ODAD2: variants seen among roughly 807,000 people sequenced by gnomAD.
ODAD2 encodes the protein outer dynein arm-docking complex subunit 2.
In ODAD2, 89 loss-of-function variants were observed where a neutral mutation model predicts 106.8. The observed-to-expected ratio is 0.83, with a 90% CI of 0.70 to 0.99. The LOEUF is 0.99. Ranked by LOEUF, ODAD2 falls within the 50% of genes least tolerant of loss-of-function variation. The probability of loss-of-function intolerance (pLI) is 0.00; values close to 1 mark genes in which losing one functional copy is unlikely to be tolerated. For synonymous variants in ODAD2, 404 were observed against 436.2 expected, an observed-to-expected ratio of 0.93 and a Z score of 0.92; for missense variants, 1,168 against 1,238.5, an observed-to-expected ratio of 0.94 and a Z score of 0.85.
intron 19 of ODAD2, among the ~76,000 whole-genome samples, chr10:27,848,541 A>G (rs1461128814): frequency 1.3e-5 from 2 of 152,236 alleles, no homozygotes; most frequent in Non-Finnish European, 2.9e-5. Context: ...ATGGTAACAA[A>G]AGCCAAAATT....
At chr10:27,876,945 C>T (rs138945385) in intron 17 of ODAD2, among the ~76,000 whole-genome samples, 2 of 152,204 alleles carry the variant, frequency 1.3e-5, no homozygotes, top group African/African-American at 4.8e-5. Flanking sequence ...AGATACTTCC[C>T]CCATTAATTC....
Position 27,901,648 on chromosome 10 carries a change from C to T in ODAD2, c.2610+6015G>A, listed in dbSNP as rs182346777. Among the ~76,000 whole-genome samples the T allele has an allele frequency of 2.6e-4, 40 of 152,060 alleles. No individual in the cohort carries two copies. The Middle Eastern group carries it at 0.014, about 52-fold the overall frequency. On this transcript the variant is annotated intron_variant, in intron 17 of 19. Transcript: ENST00000305242. ...CCAAGCAAATGGAAAGCAAAAAAAG[C>T]AGGGGTTGCAATCCTAGTCTCTGAT...
chr10:27,912,738 C>T (rs910812289), intron 16 of ODAD2, among the ~76,000 whole-genome samples: 3 of 152,244 alleles, frequency 2.0e-5, no homozygotes, highest in East Asian at 3.9e-4. Flanking sequence ...AAGAACATGA[C>T]GTTCTTAAAC....
rs202038219 is a variant in ODAD2 at position 27,971,007 on chromosome 10, T to C, written c.1142+101A>G. On this transcript the variant is annotated intron_variant, in intron 8 of 19. Transcript: ENST00000305242. ...ATAAATAAATAAATAAATAAATAAA[T>C]AAACAAACAAACAAAATAAAATAAA... The C allele has an allele frequency of 6.8e-3, 2,766 of 404,274 alleles. 45 individuals are homozygous for C. Among genetic ancestry groups the C allele is most frequent in the African/African-American group, 0.028 (964 of 35,000 alleles). The allele number at this position is 404,274 out of a possible 1,614,324, so 25.0% of individuals were successfully genotyped here.
At chr10:27,820,661 G>T (rs889809149) in intron 19 of ODAD2, among the ~76,000 whole-genome samples, 5 of 151,556 alleles carry the variant, frequency 3.3e-5, no homozygotes, top group African/African-American at 9.7e-5. Context: ...ATTACTCTTT[G>T]TTGGGGAATT....
intron 2 of ODAD2, among the ~76,000 whole-genome samples, chr10:27,993,548 G>A (rs1215151205): frequency 6.6e-6 from 1 of 152,090 alleles, no homozygotes; most frequent in Admixed American, 6.5e-5. Context: ...TACTTAGGAG[G>A]CTGAGGCAGG....
At chr10:27,846,717 C>T (rs1322105489) in intron 19 of ODAD2, among the ~76,000 whole-genome samples, 18 of 147,384 alleles carry the variant, frequency 1.2e-4, no homozygotes, top group East Asian at 3.9e-4. Flanking sequence ...ATCAAATAGA[C>T]GCAATAAAAA....
At chr10:27,905,405 T>G (rs2133839911) in intron 17 of ODAD2, among the ~76,000 whole-genome samples, 1 of 152,162 alleles carries the variant, frequency 6.6e-6, no homozygotes, top group South Asian at 2.1e-4. Flanking sequence ...TGCCCATGGA[T>G]AGGAAGAAAC....
chr10:27,885,529 A>ATATAT (rs1564465124), intron 17 of ODAD2, among the ~76,000 whole-genome samples: 1 of 16,032 alleles, frequency 6.2e-5, no homozygotes, highest in African/African-American at 2.4e-4. Context: ...AAAAAAAAAA[A>ATATAT]AAAAATATAT....
chr10:27,956,354 C>T (rs539742731), intron 10 of ODAD2, among the ~76,000 whole-genome samples: 2 of 152,256 alleles, frequency 1.3e-5, no homozygotes, highest in South Asian at 4.2e-4. Context: ...TGGCATCCCA[C>T]AGGGAGGAGG....
In ODAD2 at chr10:27,944,877, C is replaced by T. The variant is rs1846767984; in HGVS notation, c.1472G>A (p.Arg491Lys). The change falls in exon 11 of 20, where the codon AGA becomes AAA. Residue 491 changes from arginine to lysine, a missense_variant. This residue lies in a region of ODAD2 where 701 missense variants were observed against 712.3 expected (regional missense o/e 0.98). Coordinates refer to ENST00000305242, the MANE Select transcript of ODAD2 (RefSeq NM_018076.5). Reference sequence around the variant, plus strand: ...CAGCACTTCCAGGCCTCCAACATCTCTGATGGCCAACTGGCAGGTTTCTTG... The same window carrying T: ...CAGCACTTCCAGGCCTCCAACATCTTTGATGGCCAACTGGCAGGTTTCTTG... The part of the protein sequence containing the change: ...LAQETCQLAI[R>K]DVGGLEVLIN... 1 of 1,614,046 alleles carries T rather than the reference C, an allele frequency of 6.2e-7. No individual in the cohort carries two copies. Among genetic ancestry groups the T allele is most frequent in the African/African-American group, 1.3e-5 (1 of 74,920 alleles).
chr10:27,971,175 A>C lies in ODAD2; in HGVS notation c.1075T>G (p.Trp359Gly). The C allele has an allele frequency of 6.2e-7, 1 of 1,613,984 alleles. No individual in the cohort carries two copies. The highest frequency in any genetic ancestry group is 1.1e-5 in the South Asian group (1 of 91,070). Residue 359 changes from tryptophan (W) to glycine (G), a missense_variant, in exon 8 of 20, where the codon TGG (tryptophan) becomes GGG (glycine). Around this residue, in one of 3 missense-constraint regions of ODAD2, gnomAD observed 430 missense variants for 452.2 expected, o/e 0.95. Transcript: ENST00000305242. ...CATCTCTTGGTCATTTGATTCCTCC[A>C]AAAATTAATTTGGTTCTTCTCCAGT... ...RSLEKNQINFWRNQMTKRWEP... is the reference protein window; with the variant it reads ...RSLEKNQINFGRNQMTKRWEP...
intron 17 of ODAD2, among the ~76,000 whole-genome samples, chr10:27,863,965 T>C (rs954563427): frequency 1.3e-5 from 2 of 152,060 alleles, no homozygotes; most frequent in Non-Finnish European, 2.9e-5. Context: ...GGAGTTCATT[T>C]TTAAGGGCAT....
rs1482703271 is a variant in ODAD2, at chr10:27,920,453, T to C, written c.2496-12676A>G. On this transcript the variant is annotated intron_variant, in intron 16 of 19. Coordinates refer to ENST00000305242, the MANE Select transcript of ODAD2 (RefSeq NM_018076.5). Reference sequence around the variant, plus strand: ...GCATATCACAACTGGCTGGATGAGATACAGAATGTGGAAAAATAAAACCCA... The same window carrying C: ...GCATATCACAACTGGCTGGATGAGACACAGAATGTGGAAAAATAAAACCCA... Among the ~76,000 whole-genome samples the C allele has an allele frequency of 3.9e-5, 6 of 152,258 alleles. No homozygotes were observed. In the South Asian group the frequency reaches 1.0e-3, roughly 26 times the overall value.
intron 6 of ODAD2, among the ~76,000 whole-genome samples, chr10:27,982,635 G>A (rs1261560784): frequency 6.6e-6 from 1 of 152,118 alleles, no homozygotes; most frequent in Non-Finnish European, 1.5e-5. Context: ...CAGAAAAGAG[G>A]CTCCAGCATT....
intron 8 of ODAD2, among the ~76,000 whole-genome samples, chr10:27,969,701 T>C (rs1848709362): frequency 6.6e-6 from 1 of 152,180 alleles, no homozygotes; most frequent in African/African-American, 2.4e-5. Context: ...ATTCCCAGAA[T>C]CCCTGCAGGA....
chr10:27,862,352 G>A lies in ODAD2; in HGVS notation c.2799+82C>T, dbSNP rs1309670203. The A allele has an allele frequency of 1.4e-5, 16 of 1,132,040 alleles. No individual in the cohort carries two copies. In the Admixed American group the frequency reaches 3.8e-4, roughly 27 times the overall value. 70.1% of individuals were successfully genotyped at this position (1,132,040 alleles called of 1,614,324 possible). A position where few individuals can be genotyped will look rare whatever the true frequency, so the allele number is the denominator to read the frequency against. ...TATTAAACTTGAATCCAGGTTTCTG[G>A]ACTGCAAATGCATTGTTTTCATCAC... On this transcript the variant is annotated intron_variant, in intron 18 of 19. Coordinates refer to ENST00000305242, the MANE Select transcript of ODAD2 (RefSeq NM_018076.5).
chr10:27,852,486 CATAT>C (rs1445749966), intron 19 of ODAD2, among the ~76,000 whole-genome samples: 7 of 152,146 alleles, frequency 4.6e-5, no homozygotes, highest in African/African-American at 1.7e-4. Flanking sequence ...GAATTAAATA[CATAT>C]GCTATGAACT....
In ODAD2 at chr10:27,907,629, T is replaced by C. The variant is rs112758334; in HGVS notation, c.2610+34A>G. ...GCATTTTTCAGTATAGTATTAGAGA[T>C]TCTAGAAGAGACTGACTTGCAGTCC... On this transcript the variant is annotated intron_variant, in intron 17 of 19. Transcript: ENST00000305242. 6 of 1,471,950 alleles carry C rather than the reference T, an allele frequency of 4.1e-6. No individual in the cohort carries two copies. The South Asian group carries it at 5.7e-5, about 14-fold the overall frequency. The allele number at this position is 1,471,950 out of a possible 1,614,324, so 91.2% of individuals were successfully genotyped here. A position where few individuals can be genotyped will look rare whatever the true frequency, so the allele number is the denominator to read the frequency against.
Sources: gnomAD v4.1 joint callset for allele counts (sites outside exome capture counted in the v4.1 genomes callset) on GRCh38, gnomAD v4.1.1 for gene constraint, gnomAD v4.1.1 regional missense constraint, MANE v1.5 for transcripts, NCBI Gene and HGNC (gene_info 2026-07-23, HGNC 2026-07-21) for gene names.